SNX18: variants seen among roughly 807,000 people sequenced by gnomAD.
SNX18 encodes the protein sorting nexin-18.
Under a neutral mutation model 48.7 loss-of-function variants are expected in SNX18, and 35 were observed. The ratio of observed to expected loss-of-function variants is 0.72; its 90% confidence interval spans 0.55 to 0.95. The LOEUF (loss-of-function observed/expected upper bound fraction) is 0.95. Among genes scored for constraint, SNX18 ranks in the 40% least tolerant of loss-of-function variants. The pLI is 0.00. For missense variants in SNX18, 824 were observed against 871.0 expected, an observed-to-expected ratio of 0.95 and a Z score of 0.68; for synonymous variants, 492 against 384.7, an observed-to-expected ratio of 1.28 and a Z score of -3.26.
chr5:54,574,664 A>G, the SNX18 span, among the ~76,000 whole-genome samples: 21 of 152,150 alleles, frequency 1.4e-4, no homozygotes, highest in African/African-American at 4.8e-4. Context: ...GGTGGCACGT[A>G]TGGTAATGGA....
chr5:54,581,970 G>A, the SNX18 span, among the ~76,000 whole-genome samples: 386 of 152,320 alleles, frequency 2.5e-3, no homozygotes, highest in African/African-American at 7.5e-3. Context: ...GAGCTTGGGG[G>A]ATTCACTTCA....
chr5:54,647,385 G>A, the SNX18 span, among the ~76,000 whole-genome samples: 26 of 152,210 alleles, frequency 1.7e-4, no homozygotes, highest in Middle Eastern at 3.4e-3. Flanking sequence ...CCTGACCCAG[G>A]AGAGTTTTCT....
chr5:54,646,148 C>G, the SNX18 span, among the ~76,000 whole-genome samples: 1 of 152,168 alleles, frequency 6.6e-6, no homozygotes, highest in Non-Finnish European at 1.5e-5. Flanking sequence ...ACTGTGCATG[C>G]TGAAACCCCA....
the SNX18 span, among the ~76,000 whole-genome samples, chr5:54,619,325 A>C: frequency 1.3e-5 from 2 of 152,208 alleles, no homozygotes; most frequent in African/African-American, 2.4e-5. Flanking sequence ...TGCCTGGGCA[A>C]CATAGCAAAA....
the SNX18 span, among the ~76,000 whole-genome samples, chr5:54,596,263 A>G: frequency 2.0e-5 from 3 of 152,196 alleles, no homozygotes; most frequent in African/African-American, 7.2e-5. Context: ...ATTGTATAAT[A>G]TAACACAAAT....
At chr5:54,537,767 T>A (rs1199061551) in intron 1 of SNX18, among the ~76,000 whole-genome samples, 1 of 152,184 alleles carries the variant, frequency 6.6e-6, no homozygotes, top group Non-Finnish European at 1.5e-5. Context: ...GATTCCATCA[T>A]GAAAAATGTG....
the SNX18 span, among the ~76,000 whole-genome samples, chr5:54,613,268 A>C: frequency 6.6e-6 from 1 of 152,096 alleles, no homozygotes; most frequent in Admixed American, 6.5e-5. Flanking sequence ...AATTTATAAG[A>C]ACAGAGATTT....
At chr5:54,522,033 T>C (rs944153372) in intron 1 of SNX18, among the ~76,000 whole-genome samples, 2 of 152,238 alleles carry the variant, frequency 1.3e-5, no homozygotes, top group African/African-American at 4.8e-5. Flanking sequence ...ATATTCAGTA[T>C]AGTTTGTTTC....
rs1420909125 is a variant in SNX18, at chr5:54,519,516, T to C, written c.1564T>C (p.Leu522=). Residue 522 remains leucine (L), a synonymous_variant, in exon 1 of 2, where the codon TTA becomes CTA. Coordinates refer to ENST00000381410, the MANE Select transcript of SNX18 (RefSeq NM_001102575.2). The part of the protein sequence containing the change: ...RQDLDPVMDL[L]ALYQGHLANF... ...GGACCTGGATCCCGTCATGGACCTA[T>C]TAGCGCTGTATCAGGGGCATCTGGC... is the stretch of plus-strand genomic sequence containing the variant. The C allele has an allele frequency of 6.2e-7, 1 of 1,614,044 alleles. No individual in the cohort carries two copies. The highest frequency in any genetic ancestry group is 2.2e-5 in the East Asian group (1 of 44,888).
At chr5:54,588,667 G>A in the SNX18 span, among the ~76,000 whole-genome samples, 1 of 152,028 alleles carries the variant, frequency 6.6e-6, no homozygotes, top group Non-Finnish European at 1.5e-5. Context: ...CTTACTAGTG[G>A]GATGCGTGCA....
chr5:54,624,786 C>G, the SNX18 span, among the ~76,000 whole-genome samples: 1 of 152,164 alleles, frequency 6.6e-6, no homozygotes, highest in Non-Finnish European at 1.5e-5. Flanking sequence ...CCAGAGCAGA[C>G]AGGTCTAAAG....
the SNX18 span, among the ~76,000 whole-genome samples, chr5:54,579,753 T>A: frequency 6.6e-6 from 1 of 152,124 alleles, no homozygotes; most frequent in Non-Finnish European, 1.5e-5. Context: ...GGGAACAAAT[T>A]TTAGAAGGTT....
At chr5:54,625,391 T>A in the SNX18 span, among the ~76,000 whole-genome samples, 1 of 152,344 alleles carries the variant, frequency 6.6e-6, no homozygotes, top group African/African-American at 2.4e-5. Flanking sequence ...GATCTGCTTC[T>A]AAGCTCGCTC....
chr5:54,606,785 C>T, the SNX18 span, among the ~76,000 whole-genome samples: 1 of 152,298 alleles, frequency 6.6e-6, no homozygotes, highest in East Asian at 1.9e-4. Flanking sequence ...TACAATCCAT[C>T]CATCTTTTTC....
At chr5:54,628,745 G>A in the SNX18 span, among the ~76,000 whole-genome samples, 1 of 151,396 alleles carries the variant, frequency 6.6e-6, no homozygotes, top group Admixed American at 6.6e-5. Flanking sequence ...CCTGGAGTCT[G>A]GCCTGGGAAA....
At chr5:54,629,138 C>T in the SNX18 span, among the ~76,000 whole-genome samples, 1 of 152,228 alleles carries the variant, frequency 6.6e-6, no homozygotes, top group African/African-American at 2.4e-5. Flanking sequence ...ATTGAAAACA[C>T]TGTCTCACTT....
chr5:54,607,932 A>AAAAC, the SNX18 span, among the ~76,000 whole-genome samples: 5,323 of 152,034 alleles, frequency 0.035, 254 homozygotes, highest in African/African-American at 0.11. Context: ...AGACTGTCTC[A>AAAAC]AAACAAACAA....
chr5:54,543,424 A>G lies in SNX18; in HGVS notation c.1867A>G (p.Ser623Gly). The change falls in exon 2 of 2, where the codon AGT becomes GGT. Residue 623 changes from serine (S) to glycine (G), a missense_variant. Transcript: ENST00000381410. ...KLEEALHKYD[S>G]V Reference sequence around the variant, plus strand: ...GGAAGAAGCTCTTCACAAATATGATAGTGTTTAATGACTGGACGTTGGATT... The same window carrying G: ...GGAAGAAGCTCTTCACAAATATGATGGTGTTTAATGACTGGACGTTGGATT... The G allele has an allele frequency of 6.2e-7, 1 of 1,613,910 alleles. No homozygotes were observed. Among genetic ancestry groups the G allele is most frequent in the East Asian group, 2.2e-5 (1 of 44,882 alleles).
rs1034263095 is a variant in SNX18, at chr5:54,519,887, C to G, written c.1621+314C>G. ...GCTGCTCAAATCTGTAATCTTGAGA[C>G]GAGGGTAGAATTAGAAGGGGACCTA... On this transcript the variant is annotated intron_variant, in intron 1 of 1. Transcript: ENST00000381410. 9 of 1,478,836 alleles carry G rather than the reference C, an allele frequency of 6.1e-6. No individual in the cohort carries two copies. The South Asian group carries it at 1.2e-4, about 19-fold the overall frequency. 91.6% of individuals were successfully genotyped at this position (1,478,836 alleles called of 1,614,324 possible).
Sources: gnomAD v4.1 joint callset for allele counts (sites outside exome capture counted in the v4.1 genomes callset) on GRCh38, gnomAD v4.1.1 for gene constraint, MANE v1.5 for transcripts, NCBI Gene and HGNC (gene_info 2026-07-23, HGNC 2026-07-21) for gene names.